The following GRM4 variants were observed in gnomAD, a reference collection of about 807,000 sequenced individuals.
GRM4 encodes the protein metabotropic glutamate receptor 4.
GRM4 carries 28 observed loss-of-function variants against 81.7 expected under a neutral mutation model. That is an observed-to-expected ratio of 0.34 (90% CI 0.25 to 0.47). The LOEUF (loss-of-function observed/expected upper bound fraction) is 0.47, where lower values mean the gene tolerates loss of function less well. Ranked by LOEUF, GRM4 falls within the 20% of genes least tolerant of loss-of-function variation. The pLI, the probability that GRM4 is intolerant of heterozygous loss-of-function variation, is 1.00. For missense variants in GRM4, 948 were observed against 1,290.0 expected (o/e 0.73, Z 4.06); for synonymous variants, 488 against 528.8 (o/e 0.92, Z 1.06).
At position 34,036,401 on chromosome 6, in the gene GRM4, C is replaced by T. The variant is rs371360646; in HGVS notation, c.1709G>A (p.Arg570His). 24 of 1,611,732 alleles carry T rather than the reference C, an allele frequency of 1.5e-5. No homozygotes were observed. The highest frequency in any genetic ancestry group is 1.1e-4 in the East Asian group (5 of 44,826). ...CPYDMRPTEN[R>H]TGCRPIPIIK... is the part of the protein sequence containing the mutation. ...GATGGGGATGGGCCGGCAGCCCGTG[C>T]GGTTCTCTGTGGGCCGCATGTCATA... is the stretch of plus-strand genomic sequence containing the variant. Residue 570 changes from arginine (R) to histidine (H), a missense_variant, in exon 9 of 11, where the codon CGC becomes CAC. Physicochemically the swap from Arg to His is conservative, Grantham distance 29. Transcript: ENST00000538487. The surrounding 1 kb of genome is among the most constrained non-coding windows in gnomAD (Gnocchi z 9.0).
At position 34,056,524 on chromosome 6, in the gene GRM4, TGCCCG is replaced by T. The variant is rs761352088; in HGVS notation, c.1168+15_1168+19del. 9.3e-6 allele frequency: 15 copies of T among 1,606,154 alleles called. No individual in the cohort carries two copies. In the South Asian group the frequency reaches 1.7e-4, roughly 18 times the overall value. Reference sequence around the variant, plus strand: ...GCTCCTCCTAGAGCCCGCCCGGCCCTGCCCGGCCCGCGTGCTCACTGGTGCACTTC... The same window carrying T: ...GCTCCTCCTAGAGCCCGCCCGGCCCTGCCCGCGTGCTCACTGGTGCACTTC... On this transcript the variant is annotated intron_variant, in intron 6 of 10. Coordinates refer to ENST00000538487, the MANE Select transcript of GRM4 (RefSeq NM_000841.4).
chr6:34,128,374 CTTTTCTTTTTTTTTTTTTTTT>C (rs1224908992), intron 2 of GRM4, among the ~76,000 whole-genome samples: 1 of 139,088 alleles, frequency 7.2e-6, no homozygotes, highest in Non-Finnish European at 1.5e-5. Flanking sequence ...TTTTTTTTTT[CTTTTCTTTTTTTTTTTTTTTT>C]GAGACTGAGT....
At chr6:34,063,217 C>G (rs1397621026) in intron 3 of GRM4, 2 of 152,320 alleles carry the variant, frequency 1.3e-5, no homozygotes, top group Non-Finnish European at 2.9e-5. Context: ...GCCTTCTACA[C>G]AGACTTGCCC....
Position 34,056,654 on chromosome 6 carries a change from A to AGCGT in GRM4, c.1054_1057dup (p.Leu353HisfsTer41). 6.2e-7 allele frequency: 1 copy of AGCGT among 1,613,834 alleles called. No individual in the cohort carries two copies. Among genetic ancestry groups the AGCGT allele is most frequent in the Non-Finnish European group, 8.5e-7 (1 of 1,179,932 alleles). ...CCAGATGTTGCGCCGGTTGTTGTCC[A>AGCGT]GCGTGCGGCTGGAGAAGTAGCGGTC... On this transcript the variant is annotated frameshift_variant, in exon 6 of 11. Transcript: ENST00000538487. LOFTEE classifies it high-confidence loss of function.
At chr6:34,106,639 C>T (rs1769140780) in intron 2 of GRM4, among the ~76,000 whole-genome samples, 1 of 152,170 alleles carries the variant, frequency 6.6e-6, no homozygotes, top group Admixed American at 6.5e-5. Context: ...TTTGCACTGG[C>T]TGTTTCCACA....
At position 34,152,436 on chromosome 6, in the gene GRM4, GTCC is replaced by G. The variant is rs1771063876; in HGVS notation, c.312+2640_312+2642del. ...TCACAGCTGCACTGCCCCCAACTCT[GTCC>G]TCCTCATTCCTGGGGAAACATGAGC... On this transcript the variant is annotated intron_variant, in intron 1 of 8. Coordinates refer to the GRM4 transcript ENST00000374177. The surrounding 1 kb of genome is among the most constrained non-coding windows in gnomAD (Gnocchi z 4.1). Among the ~76,000 whole-genome samples the G allele has an allele frequency of 1.3e-5, 2 of 152,202 alleles. No homozygotes were observed. The highest frequency in any genetic ancestry group is 2.4e-5 in the African/African-American group (1 of 41,454).
At chr6:34,150,359 A>G (rs932813957), upstream of GRM4, among the ~76,000 whole-genome samples, 2 of 152,148 alleles carry the variant, frequency 1.3e-5, no homozygotes, top group African/African-American at 4.8e-5. Flanking sequence ...GCCTTCACAC[A>G]TGCTGCAGGA....
At chr6:34,056,932 C>T (rs368700947) in intron 5 of GRM4, among the ~76,000 whole-genome samples, 1 of 152,198 alleles carries the variant, frequency 6.6e-6, no homozygotes, top group Admixed American at 6.5e-5. Flanking sequence ...AGAAGCACAC[C>T]GATGAGGATG....
intron 6 of GRM4, chr6:34,054,062 C>T (rs566907604): frequency 6.6e-6 from 1 of 152,304 alleles, no homozygotes; most frequent in East Asian, 1.9e-4. Context: ...TGGAGACACC[C>T]TCTGGGCTGG....
At chr6:34,155,475 G>C (rs538068689) in exon 1 of GRM4, 1 of 867,026 alleles carries the variant, frequency 1.2e-6, no homozygotes, top group East Asian at 2.9e-5. Flanking sequence ...GTTACCTAGA[G>C]AGCTTTAAAA....
At chr6:34,125,951 T>C (rs1257931511) in intron 2 of GRM4, among the ~76,000 whole-genome samples, 8 of 152,246 alleles carry the variant, frequency 5.3e-5, no homozygotes, top group African/African-American at 7.2e-5. Context: ...CCAGCATCTA[T>C]TGAATCCTAT....
chr6:34,029,996 C>T (rs1293154914), intron 9 of GRM4, among the ~76,000 whole-genome samples: 1 of 152,226 alleles, frequency 6.6e-6, no homozygotes, highest in Non-Finnish European at 1.5e-5. Context: ...ACAGACAGGC[C>T]TCCATCCTCA....
At chr6:34,155,122 A>G (rs1771123523) in exon 1 of GRM4, 2 of 1,532,408 alleles carry the variant, frequency 1.3e-6, no homozygotes, top group Admixed American at 2.0e-5. Context: ...GCGGGGGTCT[A>G]TTTCAGGGCT....
chr6:34,092,048 G>A lies in GRM4; in HGVS notation c.571C>T (p.Arg191Cys), dbSNP rs751416612. Residue 191 changes from arginine (R) to cysteine (C), a missense_variant, in exon 3 of 11, where the codon CGC (arginine) becomes TGC (cysteine). Transcript: ENST00000538487. The surrounding 1 kb of genome is among the most constrained non-coding windows in gnomAD (Gnocchi z 6.8). The part of the protein sequence containing the change: ...STAPDLSDNS[R>C]YDFFSRVVPS... ...ACCACGCGGGAGAAGAAGTCGTAGC[G>A]GCTGTTGTCACTCAGGTCTGGCGCT... 21 of 1,613,732 alleles carry A rather than the reference G, an allele frequency of 1.3e-5. No homozygotes were observed. In the East Asian group the frequency reaches 2.0e-4, roughly 15 times the overall value.
At chr6:34,062,496 C>T (rs1307915558) in intron 3 of GRM4, 1 of 148,366 alleles carries the variant, frequency 6.7e-6, no homozygotes, top group Non-Finnish European at 1.5e-5. Flanking sequence ...ACATCCGGTA[C>T]CTAGTGCTTA....
At chr6:34,103,967 G>T in intron 2 of GRM4, 1 of 641,934 alleles carries the variant, frequency 1.6e-6, no homozygotes, top group Non-Finnish European at 2.2e-6. Context: ...TGCGACAGGG[G>T]CTCATGCACA....
intron 3 of GRM4, among the ~76,000 whole-genome samples, chr6:34,085,454 G>A (rs1314685015): frequency 6.6e-6 from 1 of 152,204 alleles, no homozygotes; most frequent in Non-Finnish European, 1.5e-5. Flanking sequence ...AAGGGGAACA[G>A]CCAGGGAGCT....
intron 2 of GRM4, among the ~76,000 whole-genome samples, chr6:34,116,113 C>T (rs1053298873): frequency 1.1e-4 from 16 of 152,180 alleles, no homozygotes; most frequent in African/African-American, 3.9e-4. Flanking sequence ...AATTCAACAA[C>T]CCCCGGACTA....
Position 34,115,963 on chromosome 6 carries a change from G to C in GRM4, c.519+17015C>G, listed in dbSNP as rs1369229708. On this transcript the variant is annotated intron_variant, in intron 2 of 10. Coordinates refer to ENST00000538487, the MANE Select transcript of GRM4 (RefSeq NM_000841.4). This position sits in a 1 kb window ranked among gnomAD's most constrained non-coding sequence, Gnocchi z 4.1. ...AGAAGAGGGCTTTAATTACATACAA[G>C]TGGGTTTTCTGCGGCCTCGCCACCC... 6.6e-6 allele frequency among the ~76,000 whole-genome samples: 1 copy of C among 152,216 alleles called. No individual in the cohort carries two copies. Among genetic ancestry groups the C allele is most frequent in the East Asian group, 1.9e-4 (1 of 5,198 alleles).
Sources: allele counts gnomAD v4.1 joint callset (sites outside exome capture counted in the v4.1 genomes callset), GRCh38; gene constraint gnomAD v4.1.1; non-coding constraint Gnocchi (gnomAD v3.1); transcripts MANE v1.5; gene names NCBI Gene and HGNC (gene_info 2026-07-23, HGNC 2026-07-21).